The following STAC variants were observed in gnomAD, a reference collection of about 807,000 sequenced individuals.
The protein encoded by STAC is SH3 and cysteine rich domain.
Under a neutral mutation model 48.8 loss-of-function variants are expected in STAC, and 43 were observed. The ratio of observed to expected loss-of-function variants is 0.88; its 90% CI spans 0.69 to 1.14. STAC has a LOEUF of 1.14. STAC is among the 50% of genes most tolerant of loss of function. STAC has a pLI of 0.00. For missense variants in STAC, 497 were observed against 504.0 expected, an observed-to-expected ratio of 0.99 and a Z score of 0.13; for synonymous variants, 193 against 179.5, an observed-to-expected ratio of 1.07 and a Z score of -0.60.
chr3:36,528,585 T>A (rs1289803104), intron 8 of STAC, 111 bp from the exon 9 acceptor site: 5 of 886,888 alleles, frequency 5.6e-6, no homozygotes, highest in Non-Finnish European at 8.3e-6. Flanking sequence ...TTACTTTATT[T>A]CTATTTCTTT....
intron 6 of STAC, among the ~76,000 whole-genome samples, chr3:36,499,482 G>A (rs1575242453): frequency 1.3e-5 from 2 of 151,826 alleles, no homozygotes; most frequent in African/African-American, 2.4e-5. Flanking sequence ...AACCAGAAAG[G>A]GAACCAAACT....
At chr3:36,414,857 TC>T in intron 1 of STAC, among the ~76,000 whole-genome samples, 1 of 152,352 alleles carries the variant, frequency 6.6e-6, no homozygotes, top group East Asian at 1.9e-4. Context: ...GGAGTGGATG[TC>T]CTTTCTGTTT....
chr3:36,459,739 G>A (rs1468913700), intron 2 of STAC, among the ~76,000 whole-genome samples: 4 of 152,078 alleles, frequency 2.6e-5, no homozygotes, highest in African/African-American at 9.7e-5. Flanking sequence ...TGGTATCTTG[G>A]CAAAACCAGA....
At chr3:36,456,064 T>TGC (rs1482571666) in intron 2 of STAC, among the ~76,000 whole-genome samples, 149 of 72,986 alleles carry the variant, frequency 2.0e-3, no homozygotes, top group African/African-American at 5.6e-3. Flanking sequence ...TACACACACG[T>TGC]GCGCACACAC....
chr3:36,464,204 C>T (rs905946265), intron 2 of STAC, among the ~76,000 whole-genome samples: 5 of 152,100 alleles, frequency 3.3e-5, no homozygotes, highest in East Asian at 1.9e-4. Context: ...CTTTAATGAT[C>T]GCCATTCTAA....
intron 1 of STAC, among the ~76,000 whole-genome samples, chr3:36,406,747 T>A (rs1281505686): frequency 6.6e-6 from 1 of 152,268 alleles, no homozygotes; most frequent in Admixed American, 6.5e-5. Context: ...TATTTTCATA[T>A]TATAATGCAG....
intron 8 of STAC, among the ~76,000 whole-genome samples, chr3:36,512,692 G>A (rs1462426591): frequency 6.6e-6 from 1 of 152,198 alleles, no homozygotes; most frequent in Non-Finnish European, 1.5e-5. Context: ...AACGTTTACA[G>A]TCTGCTTCAA....
At chr3:36,432,901 G>C (rs915587132) in intron 1 of STAC, among the ~76,000 whole-genome samples, 1 of 152,138 alleles carries the variant, frequency 6.6e-6, no homozygotes, top group Non-Finnish European at 1.5e-5. Context: ...ACAATCAAAA[G>C]ATAACCCGTG....
At chr3:36,485,954 A>C (rs1697798674) in intron 4 of STAC, 180 bp from the exon 5 acceptor site, 1 of 571,268 alleles carries the variant, frequency 1.8e-6, no homozygotes, top group Admixed American at 3.1e-5. Context: ...AAATGGGAGC[A>C]TGCTGGGTGG....
At chr3:36,424,683 T>C (rs763511312) in intron 1 of STAC, among the ~76,000 whole-genome samples, 16 of 152,000 alleles carry the variant, frequency 1.1e-4, no homozygotes, top group African/African-American at 3.9e-4. Context: ...CTTGTAGTGT[T>C]AAAAAGTAGG....
At chr3:36,540,401 C>T (rs79703222) in intron 10 of STAC, among the ~76,000 whole-genome samples, 1 of 151,960 alleles carries the variant, frequency 6.6e-6, no homozygotes, top group Non-Finnish European at 1.5e-5. Context: ...AGGTTATGGA[C>T]TCTGGGATAG....
At chr3:36,386,830 T>C (rs1699626481) in intron 1 of STAC, among the ~76,000 whole-genome samples, 1 of 152,158 alleles carries the variant, frequency 6.6e-6, no homozygotes. Context: ...AGCTTTGCTC[T>C]TCTTTTTCAA....
intron 1 of STAC, among the ~76,000 whole-genome samples, chr3:36,426,609 A>G (rs1182162769): frequency 1.3e-5 from 2 of 152,214 alleles, no homozygotes; most frequent in African/African-American, 4.8e-5. Context: ...AAGCCAATAC[A>G]ATACAGAAAA....
At chr3:36,460,627 G>A (rs1399615030) in intron 2 of STAC, among the ~76,000 whole-genome samples, 1 of 150,824 alleles carries the variant, frequency 6.6e-6, no homozygotes, top group African/African-American at 2.4e-5. Context: ...CTATGCACAG[G>A]GCAGCCCTGC....
At chr3:36,491,537 G>T (rs1697966536) in intron 5 of STAC, among the ~76,000 whole-genome samples, 1 of 151,946 alleles carries the variant, frequency 6.6e-6, no homozygotes. Flanking sequence ...GAGACCCTGT[G>T]ACTTTTTTTT....
chr3:36,419,968 C>G (rs1700410561), intron 1 of STAC, among the ~76,000 whole-genome samples: 1 of 152,194 alleles, frequency 6.6e-6, no homozygotes, highest in Non-Finnish European at 1.5e-5. Context: ...GATTATCATA[C>G]TCCTTGCTAT....
intron 10 of STAC, among the ~76,000 whole-genome samples, chr3:36,539,757 A>G (rs1184784294): frequency 1.3e-5 from 2 of 152,202 alleles, no homozygotes; most frequent in African/African-American, 4.8e-5. Context: ...AACCTACTGC[A>G]TTCAGTATGT....
chr3:36,402,356 G>A (rs953248357), intron 1 of STAC, among the ~76,000 whole-genome samples: 6 of 151,898 alleles, frequency 4.0e-5, no homozygotes, highest in African/African-American at 7.3e-5. Flanking sequence ...GGGAGAAAGA[G>A]GGCGGTGAGG....
chr3:36,391,973 A>G (rs919330162), intron 1 of STAC, among the ~76,000 whole-genome samples: 2 of 152,134 alleles, frequency 1.3e-5, no homozygotes, highest in Non-Finnish European at 2.9e-5. Context: ...CTCCAAACTG[A>G]TATCAGGGGA....
Sources: gnomAD v4.1 joint callset for allele counts (sites outside exome capture counted in the v4.1 genomes callset) on GRCh38, gnomAD v4.1.1 for gene constraint, MANE v1.5 for transcripts, NCBI Gene and HGNC (gene_info 2026-07-23, HGNC 2026-07-21) for gene names.